Variants in STAMBP observed in about 807,000 individuals in gnomAD.
STAMBP encodes the protein STAM binding protein.
A neutral mutation model predicts 50.7 loss-of-function variants in STAMBP; 31 were observed. The observed-to-expected ratio is 0.61, with a 90% CI of 0.46 to 0.83. The LOEUF (loss-of-function observed/expected upper bound fraction) is 0.83, where lower values mean the gene tolerates loss of function less well. STAMBP is among the 40% of genes least tolerant of loss of function. STAMBP has a pLI of 0.00. For synonymous variants in STAMBP, 211 were observed against 192.4 expected (o/e 1.10, Z -0.80); for missense variants, 472 against 518.9 (o/e 0.91, Z 0.88).
intron 7 of STAMBP, among the ~76,000 whole-genome samples, chr2:73,857,755 CAT>C (rs1474649082): frequency 2.6e-5 from 4 of 152,148 alleles, no homozygotes; most frequent in African/African-American, 4.8e-5. Context: ...TAAGTGAGGG[CAT>C]ACATCCACCT....
chr2:73,870,523 G>A (rs1023102330), downstream of STAMBP, among the ~76,000 whole-genome samples: 2 of 152,172 alleles, frequency 1.3e-5, no homozygotes, highest in Non-Finnish European at 2.9e-5. Flanking sequence ...AACTCCCACC[G>A]TGGCCCAGGG....
intron 2 of STAMBP, among the ~76,000 whole-genome samples, chr2:73,832,602 G>A (rs1427224968): frequency 1.3e-5 from 2 of 151,942 alleles, no homozygotes; most frequent in East Asian, 3.9e-4. Context: ...ATCACATTAA[G>A]TTTTTGATCA....
chr2:73,871,229 T>C (rs1679185760), downstream of STAMBP, among the ~76,000 whole-genome samples: 1 of 152,050 alleles, frequency 6.6e-6, no homozygotes, highest in Admixed American at 6.6e-5. Flanking sequence ...ATAATGAAAA[T>C]AGAACCCTGT....
intron 9 of STAMBP, among the ~76,000 whole-genome samples, chr2:73,860,923 T>C (rs1254825466): frequency 6.6e-6 from 1 of 152,020 alleles, no homozygotes; most frequent in East Asian, 1.9e-4. Context: ...AGTTGAAGTA[T>C]AAAAAAAGGG....
chr2:73,847,607 A>C lies in STAMBP; in HGVS notation c.596A>C (p.Asp199Ala). 1 of 1,614,208 alleles carries C rather than the reference A, an allele frequency of 6.2e-7. No individual in the cohort carries two copies. The highest frequency in any genetic ancestry group is 8.5e-7 in the Non-Finnish European group (1 of 1,180,026). Residue 199 changes from aspartate (D) to alanine (A), a missense_variant, in exon 5 of 10, where the codon GAC becomes GCC. Physicochemically the swap from Asp to Ala is moderately radical, Grantham distance 126 (BLOSUM62 -2). Coordinates refer to ENST00000394070, the MANE Select transcript of STAMBP (RefSeq NM_213622.4). ...GGCCTAGGTGGCCCGCTAGTGCCTG[A>C]CTTGGAGAAGCCCTCCTTAGATGTG... ...DPGLGGPLVP[D>A]LEKPSLDVFP...
chr2:73,850,335 A>G lies in STAMBP; in HGVS notation c.868-41A>G. 6.3e-7 allele frequency: 1 copy of G among 1,581,330 alleles called. No individual in the cohort carries two copies. Among genetic ancestry groups the G allele is most frequent in the Non-Finnish European group, 8.6e-7 (1 of 1,163,026 alleles). On this transcript the variant is annotated intron_variant, in intron 6 of 9. Transcript: ENST00000394070. The surrounding 1 kb of genome is among the most constrained non-coding windows in gnomAD (Gnocchi z 4.3). ...GGATGGAGTGGAGCAGGGTTGCATGAGCACCAGGGAATTGTGACCAGCTGT... is the reference window on the plus strand; with the variant it reads ...GGATGGAGTGGAGCAGGGTTGCATGGGCACCAGGGAATTGTGACCAGCTGT...
chr2:73,858,034 G>A (rs1484841504), intron 7 of STAMBP, among the ~76,000 whole-genome samples: 1 of 151,666 alleles, frequency 6.6e-6, no homozygotes, highest in Non-Finnish European at 1.5e-5. Context: ...CCAGGCTGGA[G>A]TGCAGTGGCG....
intron 2 of STAMBP, among the ~76,000 whole-genome samples, chr2:73,835,945 G>C (rs536098506): frequency 1.3e-5 from 2 of 152,122 alleles, no homozygotes; most frequent in African/African-American, 2.4e-5. Flanking sequence ...TCAGCATACA[G>C]ATGGTTCTGA....
At chr2:73,854,655 T>C (rs1210488230) in intron 7 of STAMBP, among the ~76,000 whole-genome samples, 2 of 152,070 alleles carry the variant, frequency 1.3e-5, no homozygotes, top group African/African-American at 2.4e-5. Flanking sequence ...CAGCTTTTTT[T>C]CCTCCATATT....
intron 2 of STAMBP, among the ~76,000 whole-genome samples, chr2:73,843,379 T>A (rs1241457414): frequency 6.9e-6 from 1 of 145,792 alleles, no homozygotes; most frequent in Non-Finnish European, 1.5e-5. Context: ...TGTGTTTTTT[T>A]ATGTTTTGTT....
At chr2:73,859,144 C>T in intron 7 of STAMBP, 110 bp from the exon 8 acceptor site, 1 of 756,970 alleles carries the variant, frequency 1.3e-6, no homozygotes, top group South Asian at 1.6e-5. Flanking sequence ...GTAATATTTT[C>T]AGATTGCAGT....
intron 2 of STAMBP, among the ~76,000 whole-genome samples, chr2:73,834,223 AAAAAAAAAAAAAAATATATATATATAT>A (rs1349779942): frequency 0.01 from 269 of 25,958 alleles, 13 homozygotes; most frequent in African/African-American, 0.029. Flanking sequence ...AAAAAAAAAA[AAAAAAAAAAAAAAATATATATATATAT>A]ATATATATAT....
intron 2 of STAMBP, among the ~76,000 whole-genome samples, chr2:73,832,905 A>G (rs2104159915): frequency 6.6e-6 from 1 of 152,314 alleles, no homozygotes; most frequent in East Asian, 1.9e-4. Flanking sequence ...AGAGTGGAGA[A>G]ATGGGACTGC....
chr2:73,853,997 T>C (rs932702355), intron 7 of STAMBP, among the ~76,000 whole-genome samples: 1 of 152,254 alleles, frequency 6.6e-6, no homozygotes, highest in Non-Finnish European at 1.5e-5. Flanking sequence ...TTTGAAGGTT[T>C]ATCCACATTC....
chr2:73,859,977 G>A (rs1015677825), intron 8 of STAMBP, 75 bp from the exon 9 acceptor site: 1 of 988,458 alleles, frequency 1.0e-6, no homozygotes, highest in African/African-American at 1.7e-5. Flanking sequence ...GCATGCTGGT[G>A]TGTGTGTGCG....
rs1030198363 is a variant in STAMBP, at chr2:73,864,244, C to T, written c.*1985C>T. 7 of 152,192 alleles carry T rather than the reference C, an allele frequency of 4.6e-5. No individual in the cohort carries two copies. The highest frequency in any genetic ancestry group is 8.8e-5 in the Non-Finnish European group (6 of 68,030). 9.4% of individuals were successfully genotyped at this position (152,192 alleles called of 1,614,324 possible). A position where few individuals can be genotyped will look rare whatever the true frequency, so the allele number is the denominator to read the frequency against. On this transcript the variant is annotated 3_prime_UTR_variant, in exon 10 of 10. Coordinates refer to ENST00000394070, the MANE Select transcript of STAMBP (RefSeq NM_213622.4). ...GAGCTCTCTTATCCGTCTCTGCCCA[C>T]CAAAGACATTCAGCCAGGTCAACAA... is the stretch of plus-strand genomic sequence containing the variant.
rs1676263881 is a variant in STAMBP at position 73,847,458 on chromosome 2, A to C, written c.447A>C (p.Val149=). ...AGCTGGAAAAGGAAAAACAGAGGGT[A>C]GCACAACAGAAGCAGCAGCAATTGG... ...QQELEKEKQR[V]AQQKQQQLEQ... The change falls in exon 5 of 10, where the codon GTA becomes GTC. Residue 149 remains valine, a synonymous_variant. Coordinates refer to ENST00000394070, the MANE Select transcript of STAMBP (RefSeq NM_213622.4). 6.2e-7 allele frequency: 1 copy of C among 1,614,102 alleles called. No individual in the cohort carries two copies.
downstream of STAMBP, chr2:73,870,162 C>T (rs751651459): frequency 2.0e-5 from 3 of 152,150 alleles, no homozygotes; most frequent in African/African-American, 4.8e-5. Flanking sequence ...CTTCATTGCC[C>T]CTTCAATGTG....
chr2:73,830,347 G>A (rs1397351949), intron 1 of STAMBP, among the ~76,000 whole-genome samples: 1 of 152,218 alleles, frequency 6.6e-6, no homozygotes, highest in Non-Finnish European at 1.5e-5. Context: ...GGATACCACA[G>A]AAAATGTCAG....
Sources: gnomAD v4.1 joint callset for allele counts (sites outside exome capture counted in the v4.1 genomes callset) on GRCh38, gnomAD v4.1.1 for gene constraint, Gnocchi (gnomAD v3.1) non-coding constraint, MANE v1.5 for transcripts, NCBI Gene and HGNC (gene_info 2026-07-23, HGNC 2026-07-21) for gene names.